MEMO1: variants seen among roughly 807,000 people sequenced by gnomAD.
MEMO1 encodes the protein protein MEMO1.
MEMO1 carries 6 observed loss-of-function variants against 45.2 expected under a neutral mutation model. That is an observed-to-expected ratio of 0.13 (90% CI 0.07 to 0.26). MEMO1 has a LOEUF of 0.26. Among genes scored for constraint, MEMO1 ranks in the 10% least tolerant of loss-of-function variants. The pLI is 1.00. For synonymous variants in MEMO1, 78 were observed against 124.3 expected, an observed-to-expected ratio of 0.63 and a Z score of 2.48; for missense variants, 184 against 370.5, an observed-to-expected ratio of 0.50 and a Z score of 4.13.
chr2:31,941,865 C>T (rs1665657038), intron 3 of MEMO1, among the ~76,000 whole-genome samples: 1 of 152,110 alleles, frequency 6.6e-6, no homozygotes, highest in Admixed American at 6.6e-5. Flanking sequence ...AAAATGCCTA[C>T]CATTAATAGT....
At chr2:31,942,673 C>T (rs1238853611) in intron 3 of MEMO1, among the ~76,000 whole-genome samples, 5 of 152,028 alleles carry the variant, frequency 3.3e-5, no homozygotes, top group Admixed American at 3.3e-4. Context: ...ACAAGCGTAC[C>T]ATCACACCCA....
intron 2 of MEMO1, among the ~76,000 whole-genome samples, chr2:31,994,848 T>A (rs1180053930): frequency 1.3e-5 from 2 of 151,602 alleles, no homozygotes; most frequent in African/African-American, 4.8e-5. Flanking sequence ...CTCAGAAGGC[T>A]GAGGCAGGAG....
intron 2 of MEMO1, among the ~76,000 whole-genome samples, chr2:32,002,200 CACAT>C (rs1278598390): frequency 6.6e-4 from 87 of 131,930 alleles, no homozygotes; most frequent in Non-Finnish European, 8.8e-4. Flanking sequence ...CACACACACA[CACAT>C]GTATATACGT....
chr2:32,001,094 A>G (rs944367369), intron 2 of MEMO1, among the ~76,000 whole-genome samples: 2 of 135,916 alleles, frequency 1.5e-5, no homozygotes, highest in African/African-American at 5.7e-5. Flanking sequence ...GCGGGAGTGC[A>G]GTGGCGCAAT....
At chr2:31,926,609 G>A (rs1210327800) in intron 4 of MEMO1, among the ~76,000 whole-genome samples, 1 of 152,082 alleles carries the variant, frequency 6.6e-6, no homozygotes, top group Non-Finnish European at 1.5e-5. Context: ...AGCACTTTGG[G>A]AGGCCGAGGT....
At position 31,964,542 on chromosome 2, in the gene MEMO1, C is replaced by CA. The variant is rs199519787; in HGVS notation, c.62-21160dup. ...AGAAACCCCGTCTCTACTAAAAACA[C>CA]AAAAAAAAATTAGCCAGGTGTGGTG... is the stretch of plus-strand genomic sequence containing the variant. On this transcript the variant is annotated intron_variant, in intron 2 of 9. Transcript: ENST00000404530. Among the ~76,000 whole-genome samples the CA allele has an allele frequency of 4.1e-3, 611 of 150,358 alleles. 3 individuals are homozygous for CA. The highest frequency in any genetic ancestry group is 0.014 in the African/African-American group (555 of 41,058).
chr2:31,900,390 T>C (rs1001523326), intron 6 of MEMO1, among the ~76,000 whole-genome samples: 6 of 152,262 alleles, frequency 3.9e-5, no homozygotes, highest in Admixed American at 3.3e-4. Flanking sequence ...GGGACATGGA[T>C]GAAGCCGGAA....
At chr2:31,982,851 G>A (rs1670815671) in intron 2 of MEMO1, among the ~76,000 whole-genome samples, 1 of 152,110 alleles carries the variant, frequency 6.6e-6, no homozygotes, top group Admixed American at 6.6e-5. Context: ...CAATGTTGAG[G>A]AGAGAAGTTA....
At chr2:32,001,175 A>T (rs575287931) in intron 2 of MEMO1, among the ~76,000 whole-genome samples, 2 of 151,018 alleles carry the variant, frequency 1.3e-5, no homozygotes. Context: ...CGTAGCTGGG[A>T]CTACAGGAGC....
intron 4 of MEMO1, chr2:31,923,636 A>AC: frequency 3.2e-6 from 5 of 1,547,520 alleles, no homozygotes; most frequent in Non-Finnish European, 4.4e-6. Flanking sequence ...TAGTATATGA[A>AC]CCAAGAATCA....
chr2:31,921,455 AT>A (rs1246812691), intron 4 of MEMO1, among the ~76,000 whole-genome samples: 1 of 152,190 alleles, frequency 6.6e-6, no homozygotes, highest in African/African-American at 2.4e-5. Flanking sequence ...ATCATATTCA[AT>A]ACTTGGAAAT....
intron 8 of MEMO1, among the ~76,000 whole-genome samples, chr2:31,875,790 G>A (rs1456293517): frequency 6.6e-6 from 1 of 151,980 alleles, no homozygotes; most frequent in Non-Finnish European, 1.5e-5. Context: ...AGGTTTAAGC[G>A]ATTCTCCTGC....
intron 2 of MEMO1, among the ~76,000 whole-genome samples, chr2:31,956,720 T>C (rs185585155): frequency 6.6e-6 from 1 of 152,312 alleles, no homozygotes; most frequent in Non-Finnish European, 1.5e-5. Context: ...GAACATCTTT[T>C]AATTGAGGGG....
intron 8 of MEMO1, among the ~76,000 whole-genome samples, chr2:31,875,389 C>T (rs963792008): frequency 6.6e-6 from 1 of 152,024 alleles, no homozygotes; most frequent in South Asian, 2.1e-4. Context: ...AACAAAGTAC[C>T]ACAAGTGAGT....
chr2:31,904,921 G>T (rs1679441489), intron 6 of MEMO1, among the ~76,000 whole-genome samples: 1 of 152,092 alleles, frequency 6.6e-6, no homozygotes, highest in Non-Finnish European at 1.5e-5. Context: ...ATTCATGTAA[G>T]AAAAAATAAA....
At chr2:31,939,042 C>T (rs1008724640) in intron 3 of MEMO1, among the ~76,000 whole-genome samples, 2 of 150,910 alleles carry the variant, frequency 1.3e-5, no homozygotes, top group African/African-American at 2.4e-5. Flanking sequence ...CCTCAGGCTC[C>T]GAAAGTGCTG....
intron 8 of MEMO1, among the ~76,000 whole-genome samples, chr2:31,872,888 T>A (rs750744866): frequency 1.7e-4 from 26 of 152,110 alleles, no homozygotes; most frequent in African/African-American, 6.3e-4. Context: ...TCATGAAGTA[T>A]GCAAACAAAA....
At chr2:31,887,152 G>A (rs1203697022) in intron 7 of MEMO1, among the ~76,000 whole-genome samples, 1 of 152,110 alleles carries the variant, frequency 6.6e-6, no homozygotes, top group South Asian at 2.1e-4. Context: ...ATTAATGAGT[G>A]GATTCACAGA....
chr2:31,957,706 T>C (rs1572808155), intron 2 of MEMO1, among the ~76,000 whole-genome samples: 2 of 152,274 alleles, frequency 1.3e-5, no homozygotes, highest in African/African-American at 2.4e-5. Context: ...AATATCTTTC[T>C]TCATAATTCT....
Sources: allele counts gnomAD v4.1 joint callset (sites outside exome capture counted in the v4.1 genomes callset), GRCh38; gene constraint gnomAD v4.1.1; transcripts MANE v1.5; gene names NCBI Gene and HGNC (gene_info 2026-07-23, HGNC 2026-07-21).